The following BCAT1 variants were observed in gnomAD, a reference collection of about 807,000 sequenced individuals.
BCAT1 encodes the protein branched chain amino acid transaminase 1.
A neutral mutation model predicts 52.4 loss-of-function variants in BCAT1; 48 were observed. The observed-to-expected ratio is 0.92, with a 90% CI of 0.73 to 1.16. The LOEUF (loss-of-function observed/expected upper bound fraction) is 1.16. BCAT1 is among the 50% of genes most tolerant of loss of function. The pLI is 0.00. For synonymous variants in BCAT1, 167 were observed against 161.3 expected (o/e 1.04, Z -0.27); for missense variants, 451 against 457.1 (o/e 0.99, Z 0.12).
chr12:24,845,329 G>A (rs1441300041), intron 6 of BCAT1, among the ~76,000 whole-genome samples: 1 of 151,194 alleles, frequency 6.6e-6, no homozygotes, highest in Non-Finnish European at 1.5e-5. Context: ...CTGGTATACA[G>A]ATAGGAAGCT....
At chr12:24,896,941 T>C (rs192271570) in intron 2 of BCAT1, among the ~76,000 whole-genome samples, 14 of 152,332 alleles carry the variant, frequency 9.2e-5, no homozygotes, top group African/African-American at 3.4e-4. Flanking sequence ...TCACAGAAGA[T>C]GTCCAGGATT....
chr12:24,900,736 GC>G (rs1943081240), intron 2 of BCAT1, among the ~76,000 whole-genome samples: 1 of 152,162 alleles, frequency 6.6e-6, no homozygotes, highest in Admixed American at 6.5e-5. Flanking sequence ...TTCGAGACCA[GC>G]CTGGCTAACA....
In BCAT1 at chr12:24,836,958, A is replaced by G. The variant is rs904098917; in HGVS notation, c.818-362T>C. Among the ~76,000 whole-genome samples, 93 of 58,034 alleles carry G rather than the reference A, an allele frequency of 1.6e-3. 2 individuals carry two copies. The highest frequency in any genetic ancestry group is 4.6e-3 in the African/African-American group (93 of 20,036). 38.1% of individuals were successfully genotyped at this position (58,034 alleles called of 152,430 possible). On this transcript the variant is annotated intron_variant, in intron 7 of 10. Transcript: ENST00000261192. ...AGAAAGAAAGAAAGAAAGAAAGAAAAGAGAAAGAAAGAAAGAGAGAGAGGG... is the reference window on the plus strand; with the variant it reads ...AGAAAGAAAGAAAGAAAGAAAGAAAGGAGAAAGAAAGAAAGAGAGAGAGGG...
At chr12:24,870,013 T>TGTGTGC (rs1398109231) in intron 5 of BCAT1, among the ~76,000 whole-genome samples, 2 of 144,080 alleles carry the variant, frequency 1.4e-5, no homozygotes, top group East Asian at 2.0e-4. Flanking sequence ...TATGTGTGTG[T>TGTGTGC]GTGTGTGTGT....
chr12:24,936,471 G>T (rs1044416676), intron 1 of BCAT1, among the ~76,000 whole-genome samples: 2 of 152,096 alleles, frequency 1.3e-5, no homozygotes, highest in Non-Finnish European at 2.9e-5. Context: ...GACCTCAAGT[G>T]ATCCACCCAC....
chr12:24,874,818 A>C (rs918927962), intron 5 of BCAT1, among the ~76,000 whole-genome samples: 25 of 152,226 alleles, frequency 1.6e-4, no homozygotes, highest in African/African-American at 6.0e-4. Flanking sequence ...AGCAACTACC[A>C]TACCAGGGAA....
chr12:24,852,422 G>A (rs2139476733), intron 5 of BCAT1, among the ~76,000 whole-genome samples: 1 of 151,932 alleles, frequency 6.6e-6, no homozygotes, highest in Non-Finnish European at 1.5e-5. Context: ...CAAACTAATA[G>A]CATTTTAATA....
intron 1 of BCAT1, among the ~76,000 whole-genome samples, chr12:24,935,242 A>G (rs1305094542): frequency 1.3e-5 from 2 of 152,216 alleles, no homozygotes; most frequent in African/African-American, 4.8e-5. Context: ...CCAGAGAGGA[A>G]TCCAGCACGC....
chr12:24,887,078 AAAATATATAT>A (rs1373770141), intron 3 of BCAT1, among the ~76,000 whole-genome samples: 1 of 79,238 alleles, frequency 1.3e-5, no homozygotes, highest in Non-Finnish European at 2.7e-5. Flanking sequence ...AAAAAAAAAA[AAAATATATAT>A]ATATATATAT....
At position 24,816,834 on chromosome 12, in the gene BCAT1, C is replaced by G; in HGVS notation, c.*1174G>C. ...TAGATTCTCATAAGGAGCGCATAGC[C>G]TAGATCCCTTGCATGCAGAGTTCAC... On this transcript the variant is annotated 3_prime_UTR_variant, in exon 11 of 11. Coordinates refer to ENST00000261192, the MANE Select transcript of BCAT1 (RefSeq NM_005504.7). 5.7e-6 allele frequency: 2 copies of G among 349,920 alleles called. No homozygotes were observed. Among genetic ancestry groups the G allele is most frequent in the Non-Finnish European group, 1.0e-5 (2 of 194,936 alleles). The allele number at this position is 349,920 out of a possible 1,614,324, so 21.7% of individuals were successfully genotyped here. A position where few individuals can be genotyped will look rare whatever the true frequency, so the allele number is the denominator to read the frequency against.
chr12:24,901,812 ACCTTAAAAGTC>A lies in BCAT1; in HGVS notation c.69_78+1del, dbSNP rs767730994. On this transcript the variant is annotated splice_donor_variant and coding_sequence_variant, in exon 2 of 11. Coordinates refer to ENST00000261192, the MANE Select transcript of BCAT1 (RefSeq NM_005504.7). LOFTEE classifies it high-confidence loss of function. ...ACACTAAGCCTCTGGCAAGCAACTT[ACCTTAAAAGTC>A]CCCACCACCTCTTTTGATCCTCCTT... 3 of 1,612,902 alleles carry A rather than the reference ACCTTAAAAGTC, an allele frequency of 1.9e-6. No homozygotes were observed. The African/African-American group carries it at 4.0e-5, about 22-fold the overall frequency.
At position 24,928,574 on chromosome 12, in the gene BCAT1, A is replaced by G. The variant is rs1943628584; in HGVS notation, c.6+20353T>C. Among the ~76,000 whole-genome samples the G allele has an allele frequency of 2.0e-5, 3 of 151,342 alleles. No homozygotes were observed. The South Asian group carries it at 6.3e-4, about 32-fold the overall frequency. ...AGGATCACTTGAGCCCACAAAATCG[A>G]AGCTGCAGCGAGCTGTGATTGTGCC... On this transcript the variant is annotated intron_variant, in intron 1 of 10. Transcript: ENST00000261192.
intron 10 of BCAT1, among the ~76,000 whole-genome samples, chr12:24,820,132 T>C (rs1390349143): frequency 1.3e-5 from 2 of 152,216 alleles, no homozygotes; most frequent in Non-Finnish European, 2.9e-5. Context: ...GTTGTTTTAG[T>C]TTTATAAATG....
rs1245203518 is a variant in BCAT1 at position 24,887,080 on chromosome 12, A to AAAAAAAAAAATAAATATAT, written c.280-5670_280-5669insATATATTTATTTTTTTTTT. ...GCTAGCTAAAAAAAAAAAAAAAAAA[A>AAAAAAAAAAATAAATATAT]ATATATATATATATATATATATATA... On this transcript the variant is annotated intron_variant, in intron 3 of 10. Coordinates refer to ENST00000261192, the MANE Select transcript of BCAT1 (RefSeq NM_005504.7). Among the ~76,000 whole-genome samples, 3 of 40,748 alleles carry AAAAAAAAAAATAAATATAT rather than the reference A, an allele frequency of 7.4e-5. 1 individual carries two copies. Among genetic ancestry groups the AAAAAAAAAAATAAATATAT allele is most frequent in the African/African-American group, 1.5e-4 (2 of 13,056 alleles). The allele number at this position is 40,748 out of a possible 152,430, so 26.7% of individuals were successfully genotyped here.
chr12:24,942,485 A>AGC (rs1197959227), intron 1 of BCAT1, among the ~76,000 whole-genome samples: 2 of 151,714 alleles, frequency 1.3e-5, no homozygotes, highest in Non-Finnish European at 2.9e-5. Flanking sequence ...CAGAGGTTGC[A>AGC]GTGAGCCAAA....
chr12:24,933,308 G>A (rs1943706454), intron 1 of BCAT1, among the ~76,000 whole-genome samples: 1 of 151,874 alleles, frequency 6.6e-6, no homozygotes, highest in Admixed American at 6.6e-5. Context: ...TCCATGAGAG[G>A]TGGGTTGTAC....
intron 3 of BCAT1, among the ~76,000 whole-genome samples, chr12:24,883,218 G>A (rs572031053): frequency 2.0e-4 from 31 of 152,250 alleles, no homozygotes; most frequent in African/African-American, 6.0e-4. Flanking sequence ...CCCAGGAGGC[G>A]GAGATTGTGG....
intron 3 of BCAT1, among the ~76,000 whole-genome samples, chr12:24,883,778 A>G (rs1419822765): frequency 2.6e-5 from 4 of 152,150 alleles, no homozygotes; most frequent in Non-Finnish European, 4.4e-5. Flanking sequence ...ATTCTACCTC[A>G]GATCATCAAG....
intron 1 of BCAT1, among the ~76,000 whole-genome samples, chr12:24,933,467 T>C (rs1163846501): frequency 1.3e-5 from 2 of 152,140 alleles, no homozygotes; most frequent in Admixed American, 6.5e-5. Flanking sequence ...TCCCTGCAAG[T>C]TGCAGGAGAG....
Sources: gnomAD v4.1 joint callset for allele counts (sites outside exome capture counted in the v4.1 genomes callset) on GRCh38, gnomAD v4.1.1 for gene constraint, MANE v1.5 for transcripts, NCBI Gene and HGNC (gene_info 2026-07-23, HGNC 2026-07-21) for gene names.